The following ABTB3 variants were observed in gnomAD, a reference collection of about 807,000 sequenced individuals.
ABTB3 encodes ankyrin repeat and BTB domain containing 3.
the ABTB3 span, chr12:107,612,850 G>A: frequency 6.2e-7 from 1 of 1,613,620 alleles, no homozygotes; most frequent in Non-Finnish European, 8.5e-7. Flanking sequence ...CTGGATGCCG[G>A]AGCTGACCTG....
the ABTB3 span, among the ~76,000 whole-genome samples, chr12:107,653,921 C>T: frequency 6.6e-6 from 1 of 152,126 alleles, no homozygotes; most frequent in African/African-American, 2.4e-5. Context: ...TGAAACTGTA[C>T]CCTTTAAACA....
chr12:107,625,241 T>C, the ABTB3 span, among the ~76,000 whole-genome samples: 8 of 152,364 alleles, frequency 5.3e-5, no homozygotes, highest in African/African-American at 1.7e-4. Context: ...TAGTCCTTTG[T>C]CAGATATGTG....
the ABTB3 span, among the ~76,000 whole-genome samples, chr12:107,482,973 TTTCTTTCTTTCTTTCCTTCCTTCC>T: frequency 2.7e-4 from 19 of 70,906 alleles, 1 homozygote; most frequent in African/African-American, 1.0e-3. Flanking sequence ...TCTTTCTTTC[TTTCTTTCTTTCTTTCCTTCCTTCC>T]TTCCTTCCTT....
the ABTB3 span, among the ~76,000 whole-genome samples, chr12:107,646,684 C>T: frequency 6.6e-5 from 10 of 152,238 alleles, no homozygotes; most frequent in African/African-American, 2.4e-4. Context: ...GGCGAGGATT[C>T]GTGTTTATGG....
chr12:107,596,370 T>C, the ABTB3 span, among the ~76,000 whole-genome samples: 5 of 152,130 alleles, frequency 3.3e-5, no homozygotes, highest in Admixed American at 3.3e-4. Flanking sequence ...TCCCAGCACT[T>C]TGGAGGTCAA....
chr12:107,653,171 C>G, the ABTB3 span, among the ~76,000 whole-genome samples: 1 of 152,168 alleles, frequency 6.6e-6, no homozygotes. Context: ...ACACACAGCT[C>G]TGGACAGTGA....
chr12:107,538,149 A>G, the ABTB3 span, among the ~76,000 whole-genome samples: 20 of 152,128 alleles, frequency 1.3e-4, no homozygotes, highest in African/African-American at 4.6e-4. Flanking sequence ...AGGGATGCAG[A>G]AGCAGCTTGG....
At chr12:107,408,945 T>C in the ABTB3 span, among the ~76,000 whole-genome samples, 3 of 152,204 alleles carry the variant, frequency 2.0e-5, no homozygotes, top group African/African-American at 7.2e-5. Flanking sequence ...CTCCAAAAAG[T>C]ACAGAGCTGC....
chr12:107,563,956 T>A, the ABTB3 span, among the ~76,000 whole-genome samples: 1 of 152,144 alleles, frequency 6.6e-6, no homozygotes, highest in Non-Finnish European at 1.5e-5. Flanking sequence ...GACGACCAGA[T>A]TTCCATGTTA....
the ABTB3 span, among the ~76,000 whole-genome samples, chr12:107,399,101 C>T: frequency 2.0e-5 from 3 of 152,188 alleles, no homozygotes; most frequent in South Asian, 4.2e-4. Flanking sequence ...TTTTTTTCCT[C>T]CATCGCTGGA....
chr12:107,466,614 C>T, the ABTB3 span, among the ~76,000 whole-genome samples: 1 of 151,974 alleles, frequency 6.6e-6, no homozygotes, highest in Non-Finnish European at 1.5e-5. Flanking sequence ...CAAATGAGAC[C>T]TGCCCTGGGG....
the ABTB3 span, among the ~76,000 whole-genome samples, chr12:107,522,678 A>G: frequency 6.6e-6 from 1 of 151,808 alleles, no homozygotes; most frequent in East Asian, 1.9e-4. Context: ...GTAGGCCCTC[A>G]GGAAACATAA....
the ABTB3 span, among the ~76,000 whole-genome samples, chr12:107,519,086 G>C: frequency 6.6e-6 from 1 of 152,082 alleles, no homozygotes; most frequent in East Asian, 1.9e-4. Flanking sequence ...GTATCTGTTA[G>C]TTTTCACCAC....
chr12:107,482,776 CCCTTCCTTCCTT>C, the ABTB3 span, among the ~76,000 whole-genome samples: 2 of 151,052 alleles, frequency 1.3e-5, no homozygotes, highest in Non-Finnish European at 3.0e-5. Flanking sequence ...TTGCCTTCCT[CCCTTCCTTCCTT>C]CCTTCCTTCT....
At chr12:107,489,690 C>A in the ABTB3 span, among the ~76,000 whole-genome samples, 1 of 152,158 alleles carries the variant, frequency 6.6e-6, no homozygotes, top group Non-Finnish European at 1.5e-5. Context: ...GTGGAAGCAA[C>A]CTAAATGTCC....
the ABTB3 span, among the ~76,000 whole-genome samples, chr12:107,415,253 A>T: frequency 6.6e-6 from 1 of 150,612 alleles, no homozygotes; most frequent in Admixed American, 6.6e-5. Flanking sequence ...ATCACCACTG[A>T]CTCAGACCCA....
chr12:107,332,791 C>G, the ABTB3 span, among the ~76,000 whole-genome samples: 1 of 152,060 alleles, frequency 6.6e-6, no homozygotes, highest in Non-Finnish European at 1.5e-5. Flanking sequence ...TGTTGTGACC[C>G]GCAGGAAGGC....
At chr12:107,422,326 G>A in the ABTB3 span, among the ~76,000 whole-genome samples, 2 of 152,274 alleles carry the variant, frequency 1.3e-5, no homozygotes, top group South Asian at 2.1e-4. Flanking sequence ...AGAGGGAGAT[G>A]GGCCAGATCT....
the ABTB3 span, among the ~76,000 whole-genome samples, chr12:107,655,392 A>G: frequency 6.6e-6 from 1 of 152,026 alleles, no homozygotes; most frequent in Non-Finnish European, 1.5e-5. Context: ...CCTTTATGAT[A>G]GTCACTTGGA....
Sources: allele counts gnomAD v4.1 joint callset (sites outside exome capture counted in the v4.1 genomes callset), GRCh38; gene constraint gnomAD v4.1.1; transcripts MANE v1.5; gene names NCBI Gene and HGNC (gene_info 2026-07-23, HGNC 2026-07-21).